The following TRMT10C variants were observed in gnomAD, a reference collection of about 807,000 sequenced individuals.
TRMT10C encodes tRNA methyltransferase 10 homolog C.
TRMT10C carries 14 observed loss-of-function variants against 27.4 expected under a neutral mutation model. The observed-to-expected ratio is 0.51, with a 90% CI of 0.34 to 0.80. The LOEUF is 0.80. TRMT10C is among the 30% of genes least tolerant of loss of function. The pLI is 0.02. For missense variants in TRMT10C, 438 were observed against 464.8 expected (o/e 0.94, Z 0.53); for synonymous variants, 143 against 155.9 (o/e 0.92, Z 0.62).
Position 101,566,197 on chromosome 3 carries a change from G to C in TRMT10C, c.*204G>C, listed in dbSNP as rs1934512624. On this transcript the variant is annotated 3_prime_UTR_variant, in exon 2 of 2. Transcript: ENST00000309922. ...CCCAATTAAATATCTGCAGAACTTTGGGATTATACTTTGTTTACTGTAGAA... is the reference window on the plus strand; with the variant it reads ...CCCAATTAAATATCTGCAGAACTTTCGGATTATACTTTGTTTACTGTAGAA... The C allele has an allele frequency of 1.3e-5, 7 of 524,410 alleles. No individual in the cohort carries two copies. Among genetic ancestry groups the C allele is most frequent in the Non-Finnish European group, 2.0e-5 (6 of 298,046 alleles). 32.5% of individuals were successfully genotyped at this position (524,410 alleles called of 1,614,324 possible).
intron 1 of TRMT10C, 84 bp from the exon 2 acceptor site, chr3:101,564,686 A>C: frequency 7.6e-7 from 1 of 1,319,286 alleles, no homozygotes; most frequent in Non-Finnish European, 1.0e-6. Flanking sequence ...TTATTTTGCT[A>C]TTTCAAATTT....
intron 1 of TRMT10C, among the ~76,000 whole-genome samples, chr3:101,564,555 C>T (rs995730576): frequency 6.6e-5 from 10 of 151,986 alleles, no homozygotes; most frequent in Non-Finnish European, 1.0e-4. Flanking sequence ...CCACTGCGCC[C>T]GGCCAAGAAC....
chr3:101,565,888 G>GC lies in TRMT10C; in HGVS notation c.1108dup (p.Gln370ProfsTer43). The GC allele has an allele frequency of 6.2e-7, 1 of 1,614,108 alleles. No individual in the cohort carries two copies. The highest frequency in any genetic ancestry group is 8.5e-7 in the Non-Finnish European group (1 of 1,180,022). On this transcript the variant is annotated frameshift_variant, in exon 2 of 2. Coordinates refer to ENST00000309922, the MANE Select transcript of TRMT10C (RefSeq NM_017819.4). LOFTEE classifies it low-confidence loss of function (END_TRUNC). ...TATGTCTGAAAAACAATGGTAATTG[G>GC]CAAGAGGCTCTGCAATTCGTTCCCA...
At chr3:101,564,403 G>C (rs1934474293) in intron 1 of TRMT10C, among the ~76,000 whole-genome samples, 1 of 151,656 alleles carries the variant, frequency 6.6e-6, no homozygotes, top group African/African-American at 2.4e-5. Flanking sequence ...GATTACAGGT[G>C]CTTGCCACCA....
chr3:101,566,263 A>G lies in TRMT10C; in HGVS notation c.*270A>G, dbSNP rs952850578. ...TTGTCCAAGATTGTTGAACAGAATA[A>G]TCTTTATCCCAGTTAAATAGTTGTA... On this transcript the variant is annotated 3_prime_UTR_variant, in exon 2 of 2. Transcript: ENST00000309922. 5 of 312,224 alleles carry G rather than the reference A, an allele frequency of 1.6e-5. No individual in the cohort carries two copies. The highest frequency in any genetic ancestry group is 1.1e-4 in the African/African-American group (5 of 46,420). The allele number at this position is 312,224 out of a possible 1,614,324, so 19.3% of individuals were successfully genotyped here.
In TRMT10C at chr3:101,562,144, A is replaced by G. The variant is rs1280795826; in HGVS notation, c.-13+141A>G. On this transcript the variant is annotated intron_variant, in intron 1 of 1. Transcript: ENST00000309922. Reference sequence around the variant, plus strand: ...AGCCCAGTGATTTTAATAAACTATAACTAGTACAGTACCTGAAACAAAATC... The same window carrying G: ...AGCCCAGTGATTTTAATAAACTATAGCTAGTACAGTACCTGAAACAAAATC... The G allele has an allele frequency of 3.9e-5, 6 of 152,222 alleles. No individual in the cohort carries two copies. The East Asian group carries it at 9.6e-4, about 24-fold the overall frequency. 9.4% of individuals were successfully genotyped at this position (152,222 alleles called of 1,614,324 possible). A position where few individuals can be genotyped will look rare whatever the true frequency, so the allele number is the denominator to read the frequency against.
Position 101,565,250 on chromosome 3 carries a change from A to G in TRMT10C, c.469A>G (p.Arg157Gly), listed in dbSNP as rs1438679875. ...AAAAAAGGAAATGAAAGCAGCAGCAAGGGAAGAAGCAAAAAATATCAAGCT... is the reference window on the plus strand; with the variant it reads ...AAAAAAGGAAATGAAAGCAGCAGCAGGGGAAGAAGCAAAAAATATCAAGCT... Reference protein sequence around the residue: ...QIKKEMKAAAREEAKNIKLLE... With the variant: ...QIKKEMKAAAGEEAKNIKLLE... The change falls in exon 2 of 2, where the codon AGG becomes GGG. Residue 157 changes from arginine (R) to glycine (G), a missense_variant. By Grantham distance (125) the Arg-to-Gly change is moderately radical. This residue lies in a region of TRMT10C where 350 missense variants were observed against 370.5 expected (regional missense o/e 0.94). Transcript: ENST00000309922. 6.2e-7 allele frequency: 1 copy of G among 1,611,352 alleles called. No individual in the cohort carries two copies. Among genetic ancestry groups the G allele is most frequent in the Admixed American group, 1.7e-5 (1 of 59,692 alleles).
chr3:101,565,010 G>A lies in TRMT10C; in HGVS notation c.229G>A (p.Glu77Lys). Reference sequence around the variant, plus strand: ...TACCATGAAATCTAGTGTGCAAGAAGAATGTGTTTCAACAATCTCAAGCAG... The same window carrying A: ...TACCATGAAATCTAGTGTGCAAGAAAAATGTGTTTCAACAATCTCAAGCAG... ...KTTMKSSVQE[E>K]CVSTISSSKD... The change falls in exon 2 of 2, where the codon GAA becomes AAA. Residue 77 changes from glutamate (E) to lysine (K), a missense_variant. This residue lies in a region of TRMT10C where 350 missense variants were observed against 370.5 expected (regional missense o/e 0.94). Transcript: ENST00000309922. 3.7e-6 allele frequency: 6 copies of A among 1,613,988 alleles called. No homozygotes were observed. Among genetic ancestry groups the A allele is most frequent in the Non-Finnish European group, 5.1e-6 (6 of 1,180,018 alleles).
rs763736280 is a variant in TRMT10C, at chr3:101,564,828, C to A, written c.47C>A (p.Pro16His). ...KMSVSVNFFR[P>H]FTRFLVPFTL... ...AGTGTTAGTGTCAATTTCTTCAGAC[C>A]TTTCACCAGGTTTTTGGTGCCATTT... Residue 16 changes from proline to histidine, a missense_variant, in exon 2 of 2, where the codon CCT becomes CAT. By Grantham distance (77) the Pro-to-His change is moderately conservative (BLOSUM62 -2). This residue lies in a region of TRMT10C where 350 missense variants were observed against 370.5 expected (regional missense o/e 0.94). Coordinates refer to ENST00000309922, the MANE Select transcript of TRMT10C (RefSeq NM_017819.4). 1 of 1,611,412 alleles carries A rather than the reference C, an allele frequency of 6.2e-7. No individual in the cohort carries two copies. Among genetic ancestry groups the A allele is most frequent in the South Asian group, 1.1e-5 (1 of 90,880 alleles).
At chr3:101,564,252 C>G (rs1172908895) in intron 1 of TRMT10C, among the ~76,000 whole-genome samples, 1 of 142,956 alleles carries the variant, frequency 7.0e-6, no homozygotes, top group South Asian at 2.3e-4. Flanking sequence ...AAATAAGAAC[C>G]CAACTTTTTT....
In TRMT10C at chr3:101,565,103, G is replaced by A; in HGVS notation, c.322G>A (p.Val108Ile). Residue 108 changes from valine (V) to isoleucine (I), a missense_variant, in exon 2 of 2, where the codon GTA becomes ATA. Transcript: ENST00000309922. ...GATGTGGAGATTGCTTGGCAGAGAA[G>A]TACCAGAACACATCACTGAAGAAGA... ...IEMWRLLGRE[V>I]PEHITEEELK... 2 of 1,613,664 alleles carry A rather than the reference G, an allele frequency of 1.2e-6. No homozygotes were observed. The highest frequency in any genetic ancestry group is 1.7e-6 in the Non-Finnish European group (2 of 1,179,958).
In TRMT10C at chr3:101,565,774, G is replaced by A. The variant is rs1461863361; in HGVS notation, c.993G>A (p.Leu331=). The A allele has an allele frequency of 2.3e-5, 37 of 1,614,022 alleles. No individual in the cohort carries two copies. Among genetic ancestry groups the A allele is most frequent in the Non-Finnish European group, 3.1e-5 (36 of 1,179,988 alleles). Residue 331 remains leucine (L), a synonymous_variant, in exon 2 of 2, where the codon CTG becomes CTA. Coordinates refer to ENST00000309922, the MANE Select transcript of TRMT10C (RefSeq NM_017819.4). The part of the protein sequence containing the change: ...TSLAKAKRLN[L]ATECLPLDKY... ...TAGCCAAGGCAAAACGGCTGAACCT[G>A]GCAACTGAATGCCTTCCATTAGATA...
At position 101,565,381 on chromosome 3, in the gene TRMT10C, G is replaced by C; in HGVS notation, c.600G>C (p.Gln200His). The change falls in exon 2 of 2, where the codon CAG (glutamine) becomes CAC (histidine). Residue 200 changes from glutamine to histidine, a missense_variant. Around this residue, in one of 3 missense-constraint regions of TRMT10C, gnomAD observed 350 missense variants for 370.5 expected, o/e 0.94. Transcript: ENST00000309922. ...AMGWKGAQAM[Q>H]FGQPLVFDMA... The stretch of plus-strand genomic sequence containing the variant: ...GCTGGAAGGGTGCCCAGGCCATGCA[G>C]TTTGGACAACCTTTGGTTTTTGACA... 1 of 1,614,154 alleles carries C rather than the reference G, an allele frequency of 6.2e-7. No individual in the cohort carries two copies. Among genetic ancestry groups the C allele is most frequent in the Non-Finnish European group, 8.5e-7 (1 of 1,180,032 alleles).
chr3:101,565,103 G>T lies in TRMT10C; in HGVS notation c.322G>T (p.Val108Leu). The change falls in exon 2 of 2, where the codon GTA becomes TTA. Residue 108 changes from valine to leucine, a missense_variant. Physicochemically the swap from Val to Leu is conservative, Grantham distance 32. Transcript: ENST00000309922. The stretch of plus-strand genomic sequence containing the variant: ...GATGTGGAGATTGCTTGGCAGAGAA[G>T]TACCAGAACACATCACTGAAGAAGA... ...IEMWRLLGREVPEHITEEELK... is the reference protein window; with the variant it reads ...IEMWRLLGRELPEHITEEELK... The T allele has an allele frequency of 6.2e-7, 1 of 1,613,664 alleles. No homozygotes were observed. The highest frequency in any genetic ancestry group is 8.5e-7 in the Non-Finnish European group (1 of 1,179,958).
intron 1 of TRMT10C, among the ~76,000 whole-genome samples, chr3:101,563,054 G>A (rs978264927): frequency 1.4e-4 from 21 of 152,080 alleles, no homozygotes; most frequent in African/African-American, 5.1e-4. Context: ...ATTGAAGGAG[G>A]ATCAGATTGT....
At chr3:101,562,820 C>T (rs1441306197) in intron 1 of TRMT10C, among the ~76,000 whole-genome samples, 1 of 151,924 alleles carries the variant, frequency 6.6e-6, no homozygotes, top group Non-Finnish European at 1.5e-5. Context: ...CTCATGGACA[C>T]TAGTTAGTCC....
chr3:101,563,962 C>T (rs1934467169), intron 1 of TRMT10C, among the ~76,000 whole-genome samples: 1 of 152,182 alleles, frequency 6.6e-6, no homozygotes, highest in Non-Finnish European at 1.5e-5. Context: ...GTAACGAGGG[C>T]ATTGGTACAG....
Position 101,565,075 on chromosome 3 carries a change from T to C in TRMT10C, c.294T>C (p.Ile98=), listed in dbSNP as rs760115014. Residue 98 remains isoleucine, a synonymous_variant, in exon 2 of 2, where the codon ATT becomes ATC. Coordinates refer to ENST00000309922, the MANE Select transcript of TRMT10C (RefSeq NM_017819.4). ...CTCTAGCTGCCACCAGAGAGTTCATTGAGATGTGGAGATTGCTTGGCAGAG... is the reference window on the plus strand; with the variant it reads ...CTCTAGCTGCCACCAGAGAGTTCATCGAGATGTGGAGATTGCTTGGCAGAG... ...EDPLAATREF[I]EMWRLLGREV... is the part of the protein sequence containing the mutation. 12 of 1,613,798 alleles carry C rather than the reference T, an allele frequency of 7.4e-6. No homozygotes were observed. The highest frequency in any genetic ancestry group is 1.0e-5 in the Non-Finnish European group (12 of 1,179,984).
chr3:101,563,402 C>T (rs1214143744), intron 1 of TRMT10C, among the ~76,000 whole-genome samples: 1 of 152,194 alleles, frequency 6.6e-6, no homozygotes, highest in African/African-American at 2.4e-5. Flanking sequence ...AAGCGATCCT[C>T]CCTCCTCGGC....
Sources: allele counts gnomAD v4.1 joint callset (sites outside exome capture counted in the v4.1 genomes callset), GRCh38; gene constraint gnomAD v4.1.1; regional missense constraint gnomAD v4.1.1; transcripts MANE v1.5; gene names NCBI Gene and HGNC (gene_info 2026-07-23, HGNC 2026-07-21).